Variants in PCSK4 observed in about 807,000 individuals in gnomAD.
The protein encoded by PCSK4 is testicular tissue protein Li 135.
A neutral mutation model predicts 80.3 loss-of-function variants in PCSK4; 64 were observed. The observed-to-expected ratio is 0.80, with a 90% confidence interval of 0.65 to 0.98. The LOEUF is 0.98. Ranked by LOEUF, PCSK4 falls within the 50% of genes least tolerant of loss-of-function variation. The pLI, the probability that PCSK4 is intolerant of heterozygous loss-of-function variation, is 0.00. For missense variants in PCSK4, 1,213 were observed against 1,093.6 expected (o/e 1.11, Z -1.54); for synonymous variants, 561 against 487.6 (o/e 1.15, Z -1.98).
chr19:1,484,086 C>G, exon 9 of PCSK4: 1 of 1,566,938 alleles, frequency 6.4e-7, no homozygotes, highest in Non-Finnish European at 8.6e-7. Flanking sequence ...CCGAGGTGCC[C>G]GTGTGCTGGT....
At chr19:1,490,505 C>T (rs930483297), upstream of PCSK4, 1 of 519,592 alleles carries the variant, frequency 1.9e-6, no homozygotes. Context: ...GCGCGAAGAT[C>T]TAACAGAAGC....
At chr19:1,482,275 C>T (rs1026081791) in intron 14 of PCSK4, 68 bp from the exon 15 acceptor site, 35 of 1,528,272 alleles carry the variant, frequency 2.3e-5, no homozygotes, top group East Asian at 1.5e-4. Context: ...GCCACCCGCC[C>T]GCCTGGGGCC....
At chr19:1,483,743 A>T (rs750550051) in exon 11 of PCSK4, 3 of 1,593,660 alleles carry the variant, frequency 1.9e-6, no homozygotes, top group Non-Finnish European at 2.5e-6. Context: ...GGCGTCCAGC[A>T]GCCCGTATCC....
chr19:1,488,574 ACTTC>A (rs148693517), intron 2 of PCSK4, among the ~76,000 whole-genome samples: 13 of 150,410 alleles, frequency 8.6e-5, no homozygotes, highest in Non-Finnish European at 1.8e-4. Flanking sequence ...CTCCTGCATC[ACTTC>A]CTTATTTTTT....
chr19:1,486,055 C>G (rs2084589473), intron 8 of PCSK4, among the ~76,000 whole-genome samples: 1 of 152,106 alleles, frequency 6.6e-6, no homozygotes, highest in Non-Finnish European at 1.5e-5. Flanking sequence ...TCACTGCAAC[C>G]TCCATCTCTG....
At chr19:1,488,554 TTCTA>T (rs1280203928) in intron 2 of PCSK4, among the ~76,000 whole-genome samples, 1 of 152,056 alleles carries the variant, frequency 6.6e-6, no homozygotes, top group African/African-American at 2.4e-5. Flanking sequence ...TTCTAGATCC[TTCTA>T]TCTCTCTCCT....
At chr19:1,488,753 G>C (rs2084777777) in intron 2 of PCSK4, among the ~76,000 whole-genome samples, 1 of 151,026 alleles carries the variant, frequency 6.6e-6, no homozygotes, top group Non-Finnish European at 1.5e-5. Flanking sequence ...GCTAATTTTT[G>C]TACATTTAGT....
In PCSK4 at chr19:1,489,978, C is replaced by T. The variant is rs956073088; in HGVS notation, c.190-81G>A. 32 of 1,537,174 alleles carry T rather than the reference C, an allele frequency of 2.1e-5. No homozygotes were observed. In the Middle Eastern group the frequency reaches 6.3e-4, roughly 30 times the overall value. ...CCCGAGGGCCGGTAACAGCCCCCTT[C>T]TTTGTCCTTCCCCAGCAGGTGCTCT... is the stretch of plus-strand genomic sequence containing the variant. On this transcript the variant is annotated intron_variant, in intron 1 of 14. Coordinates refer to ENST00000300954, the Ensembl canonical transcript of PCSK4.
At chr19:1,487,579 G>T in intron 6 of PCSK4, 24 bp downstream of exon 6, 1 of 1,536,974 alleles carries the variant, frequency 6.5e-7, no homozygotes, top group South Asian at 1.2e-5. Flanking sequence ...TCCCGGAATG[G>T]TGCCGCTGGG....
intron 4 of PCSK4, 45 bp from the exon 5 acceptor site, chr19:1,487,906 G>C (rs779152189): frequency 1.3e-6 from 2 of 1,579,272 alleles, no homozygotes; most frequent in South Asian, 2.3e-5. Flanking sequence ...GCGTCCCTAG[G>C]GTGGTGCCAG....
At chr19:1,489,856 G>T in exon 2 of PCSK4, 1 of 1,610,554 alleles carries the variant, frequency 6.2e-7, no homozygotes, top group Non-Finnish European at 8.5e-7. Context: ...GCTGGACCAC[G>T]CCCCGGTGCC....
In PCSK4 at chr19:1,483,445, G is replaced by A. The variant is rs1297773866; in HGVS notation, c.1410C>T (p.Ile470=). Residue 470 remains isoleucine (I), a synonymous_variant, in exon 12 of 15, where the codon ATC becomes ATT. Transcript: ENST00000300954. ...AGGCCGATACGTTTTCCCTGATGTAGATCAGCGGCAGGATGGGGCTGAGGG... is the reference window on the plus strand; with the variant it reads ...AGGCCGATACGTTTTCCCTGATGTAAATCAGCGGCAGGATGGGGCTGAGGG... 5.6e-6 allele frequency: 9 copies of A among 1,595,460 alleles called. No individual in the cohort carries two copies. The South Asian group carries it at 7.7e-5, about 14-fold the overall frequency.
chr19:1,488,006 G>A lies in PCSK4; in HGVS notation c.474C>T (p.Asp158=), dbSNP rs758614207. ...CCGGGTGGTCCTTCTCGATGCCATC[G>A]TCCAGCACAGAGACCACGATGCCCT... The change falls in exon 4 of 15, where the codon GAC becomes GAT. Residue 158 remains aspartate (D), a synonymous_variant. Transcript: ENST00000300954. 47 of 1,613,350 alleles carry A rather than the reference G, an allele frequency of 2.9e-5. No individual in the cohort carries two copies. The East Asian group carries it at 3.8e-4, about 13-fold the overall frequency.
chr19:1,490,845 G>T (rs576826803), upstream of PCSK4: 271 of 183,692 alleles, frequency 1.5e-3, no homozygotes, highest in Non-Finnish European at 2.5e-3. Context: ...ATCGCGTCCC[G>T]TTTCTCCAAT....
rs561356471 is a variant in PCSK4 at position 1,485,666 on chromosome 19, T to C, written c.1068+1187A>G. 4.0e-5 allele frequency among the ~76,000 whole-genome samples: 6 copies of C among 151,198 alleles called. No homozygotes were observed. In the South Asian group the frequency reaches 1.3e-3, roughly 32 times the overall value. Reference sequence around the variant, plus strand: ...GTGGGCGGATCACGAGGTCAGGAGATCGAGATCATCCTGGCTAACATGGTG... The same window carrying C: ...GTGGGCGGATCACGAGGTCAGGAGACCGAGATCATCCTGGCTAACATGGTG... On this transcript the variant is annotated intron_variant, in intron 8 of 14. Transcript: ENST00000300954.
Position 1,487,945 on chromosome 19 carries a change from C to T in PCSK4, c.516+19G>A, listed in dbSNP as rs2084726160. ...CGGCACCTGGGGCAGCCCTCGCCCA[C>T]AGCCACCCGCGGTCTCACGTAGTTG... On this transcript the variant is annotated intron_variant, in intron 4 of 14. Coordinates refer to ENST00000300954, the Ensembl canonical transcript of PCSK4. 6.3e-7 allele frequency: 1 copy of T among 1,599,452 alleles called. No homozygotes were observed. The highest frequency in any genetic ancestry group is 1.3e-5 in the African/African-American group (1 of 74,662).
At chr19:1,490,159 G>A (rs776291624) in exon 1 of PCSK4, 1 of 1,613,420 alleles carries the variant, frequency 6.2e-7, no homozygotes, top group Admixed American at 1.7e-5. Context: ...CCCACCCACC[G>A]GCCCCAGGTT....
At chr19:1,489,973 C>T in intron 1 of PCSK4, 76 bp from the exon 2 acceptor site, 1 of 1,540,808 alleles carries the variant, frequency 6.5e-7, no homozygotes, top group East Asian at 2.5e-5. Flanking sequence ...GGTAACAGCC[C>T]CCTTCTTTGT....
rs1433005784 is a variant in PCSK4 at position 1,487,431 on chromosome 19, T to C, written c.683-118A>G. On this transcript the variant is annotated intron_variant, in intron 6 of 14. Transcript: ENST00000300954. The stretch of plus-strand genomic sequence containing the variant: ...CTACCTGGGCCCTCTCTCTGCTCCC[T>C]GGAGTGGGACCATTCGTATTGGCTC... 3.0e-6 allele frequency: 3 copies of C among 1,002,600 alleles called. No individual in the cohort carries two copies. In the African/African-American group the frequency reaches 4.9e-5, roughly 16 times the overall value. The allele number at this position is 1,002,600 out of a possible 1,614,324, so 62.1% of individuals were successfully genotyped here.
Sources: allele counts gnomAD v4.1 joint callset (sites outside exome capture counted in the v4.1 genomes callset), GRCh38; gene constraint gnomAD v4.1.1; transcripts MANE v1.5; gene names NCBI Gene and HGNC (gene_info 2026-07-23, HGNC 2026-07-21).